Variants in NAV2 observed in about 807,000 individuals in gnomAD.
NAV2 encodes the protein neuron navigator 2, also known as helicase, APC down-regulated 1.
A neutral mutation model predicts 223.2 loss-of-function variants in NAV2; 54 were observed. The ratio of observed to expected loss-of-function variants is 0.24; its 90% CI spans 0.19 to 0.30. The LOEUF (loss-of-function observed/expected upper bound fraction) is 0.30, where lower values mean the gene tolerates loss of function less well. Ranked by LOEUF, NAV2 falls within the 10% of genes least tolerant of loss-of-function variation. The pLI, the probability that NAV2 is intolerant of heterozygous loss-of-function variation, is 1.00. For missense variants in NAV2, 2,806 were observed against 3,147.5 expected (o/e 0.89, Z 2.60); for synonymous variants, 1,279 against 1,239.3 (o/e 1.03, Z -0.67).
chr11:19,694,269 A>C (rs536632518), intron 1 of NAV2, among the ~76,000 whole-genome samples: 33 of 152,342 alleles, frequency 2.2e-4, no homozygotes, highest in Non-Finnish European at 4.6e-4. Flanking sequence ...TCTGGAGCTT[A>C]AATTACACCC....
intron 1 of NAV2, among the ~76,000 whole-genome samples, chr11:19,691,768 T>G (rs897708488): frequency 6.6e-6 from 1 of 152,122 alleles, no homozygotes; most frequent in African/African-American, 2.4e-5. Context: ...AGCCTCAGCT[T>G]CCTGGAGGAA....
chr11:19,933,925 C>G lies in NAV2; in HGVS notation c.1681C>G (p.His561Asp), dbSNP rs1465184475. The G allele has an allele frequency of 6.3e-7, 1 of 1,590,524 alleles. No homozygotes were observed. The highest frequency in any genetic ancestry group is 8.5e-7 in the Non-Finnish European group (1 of 1,171,230). The change falls in exon 7 of 38, where the codon CAC becomes GAC. Residue 561 changes from histidine to aspartate, a missense_variant. Transcript: ENST00000349880. This position sits in a 1 kb window ranked among gnomAD's most constrained non-coding sequence, Gnocchi z 4.3. Reference sequence around the variant, plus strand: ...CAAGAAGGAGCCCATGGCCCCTTCCCACAGTGGAATACCAAAACCAGGAAT... The same window carrying G: ...CAAGAAGGAGCCCATGGCCCCTTCCGACAGTGGAATACCAAAACCAGGAAT... Reference protein sequence around the residue: ...SAKKEPMAPSHSGIPKPGMKS... With the variant: ...SAKKEPMAPSDSGIPKPGMKS...
intron 3 of NAV2, among the ~76,000 whole-genome samples, chr11:19,848,057 C>T (rs1057510651): frequency 6.6e-6 from 1 of 152,178 alleles, no homozygotes; most frequent in Non-Finnish European, 1.5e-5. Context: ...CATGTATGCC[C>T]TGGGGCTCCA....
intron 3 of NAV2, among the ~76,000 whole-genome samples, chr11:19,859,920 T>G (rs1263350630): frequency 1.6e-5 from 2 of 127,292 alleles, no homozygotes; most frequent in Non-Finnish European, 3.3e-5. Context: ...GCAGAGGGGC[T>G]CCTCACTTCC....
intron 8 of NAV2, among the ~76,000 whole-genome samples, chr11:19,941,191 T>G (rs1365623022): frequency 3.9e-5 from 6 of 152,124 alleles, no homozygotes. Flanking sequence ...GTGTGTGATC[T>G]TCCCCTAATT....
chr11:19,402,221 G>T (rs1849716433), intron 1 of NAV2, among the ~76,000 whole-genome samples: 1 of 152,190 alleles, frequency 6.6e-6, no homozygotes, highest in Non-Finnish European at 1.5e-5. Context: ...TCTGGAGCAA[G>T]ACCACCTGGT....
At chr11:19,899,837 C>G (rs1328011880) in intron 6 of NAV2, among the ~76,000 whole-genome samples, 1 of 152,188 alleles carries the variant, frequency 6.6e-6, no homozygotes, top group Non-Finnish European at 1.5e-5. Context: ...GTTAATCTGA[C>G]AGCAAATCTG....
chr11:19,742,644 T>C (rs1714662968), intron 1 of NAV2, among the ~76,000 whole-genome samples: 1 of 152,154 alleles, frequency 6.6e-6, no homozygotes, highest in African/African-American at 2.4e-5. Flanking sequence ...CTGGTTCCCC[T>C]GTACCAGGGC....
chr11:19,656,743 T>C (rs975974687), intron 1 of NAV2, among the ~76,000 whole-genome samples: 1 of 152,138 alleles, frequency 6.6e-6, no homozygotes, highest in African/African-American at 2.4e-5. Flanking sequence ...CCTGGACTCC[T>C]GTGAGAAGCA....
intron 11 of NAV2, among the ~76,000 whole-genome samples, chr11:20,004,319 A>G (rs975916146): frequency 2.0e-5 from 3 of 152,198 alleles, no homozygotes; most frequent in African/African-American, 7.2e-5. Context: ...TTCACAATCC[A>G]TGTTTCTGGT....
intron 1 of NAV2, among the ~76,000 whole-genome samples, chr11:19,446,419 G>T (rs1158290085): frequency 2.0e-5 from 3 of 152,062 alleles, no homozygotes; most frequent in African/African-American, 2.4e-5. Flanking sequence ...ATTAACCAAG[G>T]CTCAGCCGAC....
At chr11:19,709,314 G>T (rs547447750), upstream of NAV2, among the ~76,000 whole-genome samples, 12 of 151,764 alleles carry the variant, frequency 7.9e-5, no homozygotes, top group East Asian at 3.9e-4. Context: ...AGGCCAAGGC[G>T]GGCGAATCAC....
intron 1 of NAV2, among the ~76,000 whole-genome samples, chr11:19,642,606 G>C (rs1216037701): frequency 1.3e-5 from 2 of 152,120 alleles, no homozygotes; most frequent in African/African-American, 4.8e-5. Context: ...GCTGTACATG[G>C]AGTCAACAGC....
intron 6 of NAV2, among the ~76,000 whole-genome samples, chr11:19,919,981 A>G (rs2044141327): frequency 1.3e-5 from 2 of 152,096 alleles, no homozygotes; most frequent in Admixed American, 1.3e-4. Flanking sequence ...CAAAAAATAA[A>G]AAAATTAGCC....
intron 12 of NAV2, among the ~76,000 whole-genome samples, chr11:20,036,508 G>A (rs1030463384): frequency 6.6e-6 from 1 of 152,330 alleles, no homozygotes; most frequent in Middle Eastern, 3.4e-3. Context: ...TAGGAGGATG[G>A]GGTGGAAATA....
At chr11:19,791,910 T>A (rs937260514) in intron 1 of NAV2, among the ~76,000 whole-genome samples, 1 of 152,130 alleles carries the variant, frequency 6.6e-6, no homozygotes, top group Admixed American at 6.5e-5. Context: ...ATGGTAGACA[T>A]GTGTGAGCAT....
intron 25 of NAV2, 65 bp downstream of exon 25, chr11:20,080,274 T>G (rs2060009101): frequency 8.8e-6 from 13 of 1,475,498 alleles, no homozygotes. Flanking sequence ...GGCTGCTGCA[T>G]CTCCCCAGAT....
intron 1 of NAV2, among the ~76,000 whole-genome samples, chr11:19,463,435 C>T (rs1852235618): frequency 6.6e-6 from 1 of 152,234 alleles, no homozygotes; most frequent in Non-Finnish European, 1.5e-5. Flanking sequence ...ACACTGAGCT[C>T]AATGTGCAAC....
chr11:19,622,023 C>A (rs1421994441), intron 1 of NAV2, among the ~76,000 whole-genome samples: 1 of 152,188 alleles, frequency 6.6e-6, no homozygotes, highest in Admixed American at 6.5e-5. Context: ...ACCCAGTAGT[C>A]GTTCAGGAGC....
Sources: allele counts gnomAD v4.1 joint callset (sites outside exome capture counted in the v4.1 genomes callset), GRCh38; gene constraint gnomAD v4.1.1; non-coding constraint Gnocchi (gnomAD v3.1); transcripts MANE v1.5; gene names NCBI Gene and HGNC (gene_info 2026-07-23, HGNC 2026-07-21).